Variants in CNBD1 observed in about 807,000 individuals in gnomAD.
CNBD1 encodes the protein cyclic nucleotide-binding domain-containing protein 1.
Under a neutral mutation model 54.4 loss-of-function variants are expected in CNBD1, and 71 were observed. The ratio of observed to expected loss-of-function variants is 1.30; its 90% CI spans 1.08 to 1.59. The LOEUF (loss-of-function observed/expected upper bound fraction) is 1.59. Ranked by LOEUF, CNBD1 falls within the 40% of genes most tolerant of loss-of-function variation. The pLI, the probability that CNBD1 is intolerant of heterozygous loss-of-function variation, is 0.00. For synonymous variants in CNBD1, 182 were observed against 170.7 expected (o/e 1.07, Z -0.51); for missense variants, 659 against 518.0 (o/e 1.27, Z -2.64).
At position 87,182,921 on chromosome 8, in the gene CNBD1, T is replaced by C. The variant is rs73265804; in HGVS notation, c.432-23072T>C. On this transcript the variant is annotated intron_variant, in intron 4 of 10. Coordinates refer to ENST00000518476, the MANE Select transcript of CNBD1 (RefSeq NM_173538.3). The surrounding 1 kb of genome is among the most constrained non-coding windows in gnomAD (Gnocchi z 4.1). ...CTTTGGTTTAATTAGGTTACACTTATGTATTTTTGTTTTGTTACAATTGCT... is the reference window on the plus strand; with the variant it reads ...CTTTGGTTTAATTAGGTTACACTTACGTATTTTTGTTTTGTTACAATTGCT... Among the ~76,000 whole-genome samples the C allele has an allele frequency of 0.013, 1,988 of 152,290 alleles. 32 individuals carry two copies. Among genetic ancestry groups the C allele is most frequent in the African/African-American group, 0.042 (1,756 of 41,558 alleles).
intron 7 of CNBD1, among the ~76,000 whole-genome samples, chr8:87,285,535 C>A (rs777639125): frequency 6.6e-6 from 1 of 152,072 alleles, no homozygotes; most frequent in Admixed American, 6.6e-5. Context: ...GTGGGGAGTT[C>A]GAGCCAGCCT....
intron 10 of CNBD1, among the ~76,000 whole-genome samples, chr8:87,369,519 T>C (rs1810715720): frequency 6.6e-6 from 1 of 152,038 alleles, no homozygotes; most frequent in Non-Finnish European, 1.5e-5. Flanking sequence ...TCAGTCTTTA[T>C]TTATCTGGAA....
chr8:87,336,056 G>A (rs896793293), intron 8 of CNBD1, among the ~76,000 whole-genome samples: 4 of 152,266 alleles, frequency 2.6e-5, no homozygotes, highest in African/African-American at 2.4e-5. Flanking sequence ...GTTTTCTGCT[G>A]AGAGATCCAC....
intron 8 of CNBD1, among the ~76,000 whole-genome samples, chr8:87,310,936 T>C (rs757234317): frequency 5.9e-5 from 9 of 152,122 alleles, no homozygotes; most frequent in Non-Finnish European, 1.3e-4. Flanking sequence ...TTTCACCATA[T>C]ATAAAAATTA....
At chr8:87,368,045 G>T (rs28408168) in intron 10 of CNBD1, among the ~76,000 whole-genome samples, 5 of 151,582 alleles carry the variant, frequency 3.3e-5, no homozygotes, top group Middle Eastern at 3.2e-3. Flanking sequence ...ACCTGTAGTC[G>T]CAGCTACTCA....
chr8:86,999,653 C>G (rs1241046693), intron 4 of CNBD1, among the ~76,000 whole-genome samples: 5 of 152,154 alleles, frequency 3.3e-5, no homozygotes, highest in Non-Finnish European at 7.4e-5. Context: ...CTTTAGATTT[C>G]TTAAGCACAT....
chr8:87,227,035 C>T (rs890800795), intron 5 of CNBD1, among the ~76,000 whole-genome samples: 2 of 150,908 alleles, frequency 1.3e-5, no homozygotes, highest in Non-Finnish European at 3.0e-5. Flanking sequence ...GGTTTGAAGT[C>T]TGTTTTATCA....
At chr8:87,031,773 C>T (rs549907158) in intron 4 of CNBD1, among the ~76,000 whole-genome samples, 1 of 152,218 alleles carries the variant, frequency 6.6e-6, no homozygotes, top group South Asian at 2.1e-4. Context: ...TGGAGTCTCG[C>T]TCTATCACCC....
intron 4 of CNBD1, among the ~76,000 whole-genome samples, chr8:87,040,723 C>T (rs10099142): frequency 0.24 from 35,718 of 151,376 alleles, 4,541 homozygotes; most frequent in South Asian, 0.37. Context: ...TGCGTCTGGC[C>T]TGTAATGAAT....
intron 6 of CNBD1, among the ~76,000 whole-genome samples, chr8:87,280,525 T>C (rs1325220968): frequency 1.3e-5 from 2 of 151,440 alleles, no homozygotes; most frequent in Non-Finnish European, 3.0e-5. Flanking sequence ...AAAAAACATG[T>C]TGTGCAAAGT....
chr8:86,962,937 T>G (rs968332694), intron 4 of CNBD1, among the ~76,000 whole-genome samples: 1 of 152,152 alleles, frequency 6.6e-6, no homozygotes, highest in African/African-American at 2.4e-5. Context: ...GGGAAAAAGC[T>G]ATTTTCTTTC....
intron 2 of CNBD1, among the ~76,000 whole-genome samples, chr8:86,895,218 T>C (rs993672081): frequency 2.6e-5 from 4 of 151,270 alleles, no homozygotes; most frequent in African/African-American, 9.7e-5. Flanking sequence ...CTAAACAATA[T>C]GTATTTAAAT....
chr8:87,365,621 G>A (rs113415656), intron 10 of CNBD1, among the ~76,000 whole-genome samples: 10 of 151,850 alleles, frequency 6.6e-5, no homozygotes, highest in African/African-American at 9.7e-5. Flanking sequence ...TAACAATAAG[G>A]TCCACTTGTA....
intron 2 of CNBD1, among the ~76,000 whole-genome samples, chr8:87,407,381 C>A (rs1807668976): frequency 6.6e-6 from 1 of 151,720 alleles, no homozygotes; most frequent in Non-Finnish European, 1.5e-5. Flanking sequence ...TTTGTACGAA[C>A]ATACTATATG....
chr8:87,189,513 A>G (rs1813553939), intron 4 of CNBD1, among the ~76,000 whole-genome samples: 1 of 152,130 alleles, frequency 6.6e-6, no homozygotes, highest in Non-Finnish European at 1.5e-5. Flanking sequence ...CTCTCTCTCT[A>G]CAAGAAAAAA....
At chr8:87,383,995 A>T (rs959382878), downstream of CNBD1, among the ~76,000 whole-genome samples, 3 of 152,118 alleles carry the variant, frequency 2.0e-5, no homozygotes, top group Admixed American at 2.0e-4. Flanking sequence ...ACAAGACATT[A>T]GTATTTTTGA....
chr8:87,340,184 A>C (rs1810036678), intron 8 of CNBD1, among the ~76,000 whole-genome samples: 1 of 152,196 alleles, frequency 6.6e-6, no homozygotes, highest in African/African-American at 2.4e-5. Context: ...CTTTTCTTTC[A>C]ACATTGAATA....
chr8:87,380,210 G>C (rs777042123), intron 10 of CNBD1, among the ~76,000 whole-genome samples: 2 of 152,016 alleles, frequency 1.3e-5, no homozygotes, highest in Non-Finnish European at 2.9e-5. Context: ...CAAATGTCAA[G>C]ATAGAAATGC....
chr8:87,262,648 G>T lies in CNBD1; in HGVS notation c.772-22030G>T, dbSNP rs369028245. Among the ~76,000 whole-genome samples, 5 of 152,236 alleles carry T rather than the reference G, an allele frequency of 3.3e-5. 1 individual carries two copies. In the East Asian group the frequency reaches 5.8e-4, roughly 18 times the overall value. ...TTTTCTGGAGAACCTTGACTAATAT[G>T]CCTGCTTTGAAGAATTCCTAGTCTA... On this transcript the variant is annotated intron_variant, in intron 6 of 10. Transcript: ENST00000518476.
Sources: gnomAD v4.1 joint callset for allele counts (sites outside exome capture counted in the v4.1 genomes callset) on GRCh38, gnomAD v4.1.1 for gene constraint, Gnocchi (gnomAD v3.1) non-coding constraint, MANE v1.5 for transcripts, NCBI Gene and HGNC (gene_info 2026-07-23, HGNC 2026-07-21) for gene names.